The following AXDND1 variants were observed in gnomAD, a reference collection of about 807,000 sequenced individuals.
AXDND1 encodes axonemal dynein light chain domain containing 1.
AXDND1 carries 110 observed loss-of-function variants against 137.5 expected under a neutral mutation model. That is an observed-to-expected ratio of 0.80 (90% confidence interval 0.69 to 0.94). The LOEUF (loss-of-function observed/expected upper bound fraction) is 0.94, where lower values mean the gene tolerates loss of function less well. AXDND1 is among the 40% of genes least tolerant of loss of function. AXDND1 has a pLI of 0.00. For missense variants in AXDND1, 1,191 were observed against 1,169.8 expected, an observed-to-expected ratio of 1.02 and a Z score of -0.26; for synonymous variants, 414 against 399.7, an observed-to-expected ratio of 1.04 and a Z score of -0.43.
In AXDND1 at chr1:179,551,198, T is replaced by C. The variant is rs529444645; in HGVS notation, c.3032-3314T>C. 7 of 1,614,066 alleles carry C rather than the reference T, an allele frequency of 4.3e-6. No homozygotes were observed. In the Admixed American group the frequency reaches 8.3e-5, roughly 19 times the overall value. ...CTATAACATGGGAGAGTCTTTCTTT[T>C]TAGGATTTAGTGGCTCAACAGGTTT... On this transcript the variant is annotated intron_variant, in intron 25 of 25. Transcript: ENST00000367618.
intron 25 of AXDND1, among the ~76,000 whole-genome samples, chr1:179,535,709 C>A (rs909855502): frequency 1.7e-4 from 25 of 151,134 alleles, no homozygotes; most frequent in African/African-American, 5.6e-4. Context: ...TTTATAGTAG[C>A]ATGATTTATA....
At chr1:179,400,938 A>C (rs1410388575) in intron 11 of AXDND1, among the ~76,000 whole-genome samples, 2 of 147,586 alleles carry the variant, frequency 1.4e-5, no homozygotes, top group Non-Finnish European at 3.0e-5. Context: ...GAAAAAAAAA[A>C]GGACACAGAA....
rs1276880012 is a variant in AXDND1 at position 179,466,707 on chromosome 1, G to C, written c.1799-1736G>C. 3.3e-5 allele frequency among the ~76,000 whole-genome samples: 5 copies of C among 151,974 alleles called. No individual in the cohort carries two copies. In the South Asian group the frequency reaches 1.0e-3, roughly 32 times the overall value. ...ATTTTATTTTCTGTATTTTTGTCTT[G>C]GTTTTGAGTCCATTCTTTTCATATT... On this transcript the variant is annotated intron_variant, in intron 16 of 25. Coordinates refer to ENST00000367618, the MANE Select transcript of AXDND1 (RefSeq NM_144696.6).
chr1:179,547,201 C>T (rs536850163), intron 25 of AXDND1, among the ~76,000 whole-genome samples: 106 of 152,298 alleles, frequency 7.0e-4, no homozygotes, highest in African/African-American at 2.0e-3. Flanking sequence ...AGCCCTGCTG[C>T]GTAGGCCCTG....
intron 4 of AXDND1, among the ~76,000 whole-genome samples, chr1:179,372,854 T>G (rs1314589263): frequency 1.3e-5 from 2 of 152,098 alleles, no homozygotes; most frequent in Admixed American, 1.3e-4. Context: ...CAGCTAATTT[T>G]GTATTTTTAT....
chr1:179,385,618 A>C (rs867377943), intron 9 of AXDND1, among the ~76,000 whole-genome samples: 3 of 152,182 alleles, frequency 2.0e-5, no homozygotes, highest in Non-Finnish European at 4.4e-5. Context: ...AGAGTTTTAT[A>C]GTTTTGTTAT....
intron 4 of AXDND1, among the ~76,000 whole-genome samples, chr1:179,377,523 A>G (rs935144693): frequency 6.6e-6 from 1 of 152,140 alleles, no homozygotes; most frequent in Admixed American, 6.5e-5. Context: ...CGTCTCCTGG[A>G]AGAGTATATT....
intron 15 of AXDND1, among the ~76,000 whole-genome samples, chr1:179,440,676 C>G (rs1294779332): frequency 1.3e-5 from 2 of 152,186 alleles, no homozygotes; most frequent in Non-Finnish European, 2.9e-5. Context: ...CTTCTCATTA[C>G]CTAGAGATAG....
chr1:179,411,204 A>G lies in AXDND1; in HGVS notation c.1168A>G (p.Met390Val). The change falls in exon 12 of 26, where the codon ATG becomes GTG. Residue 390 changes from methionine (M) to valine (V), a missense_variant. By Grantham distance (21) the Met-to-Val change is conservative. Coordinates refer to ENST00000367618, the MANE Select transcript of AXDND1 (RefSeq NM_144696.6). ...ACAAAGAGAAAGGATGGAGAATGATATGAAAAAGTTAGTGGCAGAAAGAGA... is the reference window on the plus strand; with the variant it reads ...ACAAAGAGAAAGGATGGAGAATGATGTGAAAAAGTTAGTGGCAGAAAGAGA... ...TLQRERMENDMKKLVAERDIW... is the reference protein window; with the variant it reads ...TLQRERMENDVKKLVAERDIW... 6.2e-7 allele frequency: 1 copy of G among 1,612,726 alleles called. No homozygotes were observed. Among genetic ancestry groups the G allele is most frequent in the African/African-American group, 1.3e-5 (1 of 74,954 alleles).
intron 15 of AXDND1, among the ~76,000 whole-genome samples, chr1:179,436,684 C>T (rs1290206343): frequency 2.6e-5 from 4 of 151,926 alleles, no homozygotes; most frequent in Non-Finnish European, 4.4e-5. Flanking sequence ...CACACTGGAG[C>T]CTGTTGGAGG....
chr1:179,481,573 A>G (rs1665387134), intron 17 of AXDND1, among the ~76,000 whole-genome samples: 1 of 152,212 alleles, frequency 6.6e-6, no homozygotes, highest in South Asian at 2.1e-4. Context: ...CTTTTCCACA[A>G]TGGTTGAACC....
intron 15 of AXDND1, among the ~76,000 whole-genome samples, chr1:179,433,630 C>T (rs530834878): frequency 1.7e-4 from 26 of 152,296 alleles, no homozygotes; most frequent in Admixed American, 6.5e-5. Flanking sequence ...ACCCAGGAGT[C>T]ATTCAGGAGC....
In AXDND1 at chr1:179,529,718, G is replaced by A. The variant is rs188752422; in HGVS notation, c.2715+1287G>A. ...TCAATCTCTCCTGGGTCCTGGAAAG[G>A]CATAGAAAGGGGAAGCGGCGGTGAC... On this transcript the variant is annotated intron_variant, in intron 23 of 25. Coordinates refer to ENST00000367618, the MANE Select transcript of AXDND1 (RefSeq NM_144696.6). Among the ~76,000 whole-genome samples the A allele has an allele frequency of 4.6e-3, 701 of 152,244 alleles. 6 individuals are homozygous for A. Among genetic ancestry groups the A allele is most frequent in the African/African-American group, 0.016 (673 of 41,556 alleles).
intron 17 of AXDND1, among the ~76,000 whole-genome samples, chr1:179,474,623 G>A (rs1664381163): frequency 6.6e-6 from 1 of 152,204 alleles, no homozygotes; most frequent in South Asian, 2.1e-4. Context: ...TTGAACTAGA[G>A]AGAGATGATT....
chr1:179,465,580 TGAG>T (rs1663024686), intron 16 of AXDND1, among the ~76,000 whole-genome samples: 1 of 152,192 alleles, frequency 6.6e-6, no homozygotes, highest in South Asian at 2.1e-4. Context: ...TGGACCCACT[TGAG>T]GAGACAGTCT....
chr1:179,489,882 C>A (rs955926575), intron 18 of AXDND1, among the ~76,000 whole-genome samples: 4 of 151,630 alleles, frequency 2.6e-5, no homozygotes, highest in Admixed American at 6.6e-5. Flanking sequence ...GTAGCTGGGA[C>A]TATAGGCGCC....
At chr1:179,448,201 C>G in intron 16 of AXDND1, 1 of 867,962 alleles carries the variant, frequency 1.2e-6, no homozygotes, top group South Asian at 1.3e-5. Flanking sequence ...AGAGCCTCAA[C>G]AATATCTGAG....
At chr1:179,542,865 C>G (rs1310494040) in intron 25 of AXDND1, among the ~76,000 whole-genome samples, 1 of 152,194 alleles carries the variant, frequency 6.6e-6, no homozygotes, top group Non-Finnish European at 1.5e-5. Context: ...AAACCACCAG[C>G]AAAATCATTG....
intron 10 of AXDND1, among the ~76,000 whole-genome samples, chr1:179,394,359 C>T (rs12739165): frequency 0.22 from 33,089 of 151,914 alleles, 3,654 homozygotes; most frequent in Non-Finnish European, 0.24. Context: ...GAGGCTGAGG[C>T]GGGAGGATCA....
Sources: allele counts gnomAD v4.1 joint callset (sites outside exome capture counted in the v4.1 genomes callset), GRCh38; gene constraint gnomAD v4.1.1; transcripts MANE v1.5; gene names NCBI Gene and HGNC (gene_info 2026-07-23, HGNC 2026-07-21).